Variants in SGCZ observed in about 807,000 individuals in gnomAD.
The protein encoded by SGCZ is zeta-sarcoglycan.
In SGCZ, 40 loss-of-function variants were observed where a neutral mutation model predicts 41.3. The ratio of observed to expected loss-of-function variants is 0.97; its 90% CI spans 0.75 to 1.26. The LOEUF (loss-of-function observed/expected upper bound fraction) is 1.26, where lower values mean the gene tolerates loss of function less well. SGCZ is among the 50% of genes most tolerant of loss of function. SGCZ has a pLI of 0.00. For synonymous variants in SGCZ, 206 were observed against 137.5 expected, an observed-to-expected ratio of 1.50 and a Z score of -3.49; for missense variants, 552 against 369.8, an observed-to-expected ratio of 1.49 and a Z score of -4.04.
At chr8:14,752,132 CA>C (rs56243371) in intron 1 of SGCZ, among the ~76,000 whole-genome samples, 1,228 of 117,738 alleles carry the variant, frequency 0.01, 6 homozygotes, top group South Asian at 0.016. Flanking sequence ...ACAAAAAAGC[CA>C]AAAAAAAAAA....
chr8:14,682,592 G>A (rs11988376), intron 1 of SGCZ, among the ~76,000 whole-genome samples: 51,894 of 151,684 alleles, frequency 0.34, 11,370 homozygotes, highest in African/African-American at 0.63. Flanking sequence ...CCACCACCAC[G>A]CCCGGCTAAT....
chr8:15,033,592 T>C (rs930498166), intron 1 of SGCZ, among the ~76,000 whole-genome samples: 1 of 152,074 alleles, frequency 6.6e-6, no homozygotes, highest in Non-Finnish European at 1.5e-5. Context: ...ACGAGTCCTA[T>C]GGACTCAAGC....
chr8:14,128,131 C>T (rs1436218863), intron 5 of SGCZ, among the ~76,000 whole-genome samples: 1 of 152,076 alleles, frequency 6.6e-6, no homozygotes, highest in East Asian at 1.9e-4. Context: ...TTATACACTG[C>T]TGGTGGGAGT....
At chr8:14,473,214 A>C (rs1189429595) in intron 2 of SGCZ, among the ~76,000 whole-genome samples, 4 of 152,168 alleles carry the variant, frequency 2.6e-5, no homozygotes, top group Non-Finnish European at 5.9e-5. Flanking sequence ...TACTCTCTTT[A>C]TGTATTAGAG....
chr8:15,202,417 T>G (rs1450756719), intron 1 of SGCZ, among the ~76,000 whole-genome samples: 1 of 152,186 alleles, frequency 6.6e-6, no homozygotes. Context: ...CCAAACATTG[T>G]GTCTTCTCAC....
In SGCZ at chr8:14,908,762, AAG is replaced by A. The variant is rs919031055; in HGVS notation, c.39+328821_39+328822del. On this transcript the variant is annotated intron_variant, in intron 1 of 7. Coordinates refer to ENST00000382080, the MANE Select transcript of SGCZ (RefSeq NM_139167.4). The stretch of plus-strand genomic sequence containing the variant: ...CCGTTGCAAAAAAAAAAAAAAAAAA[AAG>A]AGAGAGAGATTCAGAGAACCTAATT... Among the ~76,000 whole-genome samples the A allele has an allele frequency of 2.0e-5, 3 of 150,596 alleles. 1 individual carries two copies. The South Asian group carries it at 6.3e-4, about 31-fold the overall frequency.
chr8:15,021,015 T>C (rs1222453912), intron 1 of SGCZ, among the ~76,000 whole-genome samples: 1 of 152,238 alleles, frequency 6.6e-6, no homozygotes, highest in East Asian at 1.9e-4. Flanking sequence ...GACATTTATG[T>C]ACAGAAACTT....
At chr8:14,973,997 T>C (rs1801382920) in intron 1 of SGCZ, among the ~76,000 whole-genome samples, 1 of 152,134 alleles carries the variant, frequency 6.6e-6, no homozygotes, top group African/African-American at 2.4e-5. Flanking sequence ...TTTCTGAGGG[T>C]GAAAACAAGG....
chr8:14,524,710 C>T (rs1388529574), intron 2 of SGCZ, among the ~76,000 whole-genome samples: 1 of 152,088 alleles, frequency 6.6e-6, no homozygotes, highest in African/African-American at 2.4e-5. Context: ...AACAAACCTT[C>T]TCTGCACGGT....
At chr8:14,465,562 C>A (rs1444265977) in intron 2 of SGCZ, among the ~76,000 whole-genome samples, 1 of 151,458 alleles carries the variant, frequency 6.6e-6, no homozygotes, top group African/African-American at 2.4e-5. Context: ...TGCCTTGTAG[C>A]TTTTGGGTCT....
intron 2 of SGCZ, among the ~76,000 whole-genome samples, chr8:14,546,842 G>A (rs891303135): frequency 3.3e-5 from 5 of 152,016 alleles, no homozygotes; most frequent in South Asian, 2.1e-4. Context: ...AATGAAATGC[G>A]GTGGAATCTC....
chr8:14,266,544 G>T (rs541911547), intron 3 of SGCZ, among the ~76,000 whole-genome samples: 1 of 152,204 alleles, frequency 6.6e-6, no homozygotes, highest in Non-Finnish European at 1.5e-5. Context: ...AGATTAAATG[G>T]AGAGAGAAGG....
chr8:15,121,045 A>C (rs1021086627), intron 1 of SGCZ, among the ~76,000 whole-genome samples: 1 of 152,210 alleles, frequency 6.6e-6, no homozygotes, highest in African/African-American at 2.4e-5. Context: ...AATGCTTTGA[A>C]ATAACCACTT....
At chr8:14,663,360 G>T (rs1004710911) in intron 1 of SGCZ, among the ~76,000 whole-genome samples, 1 of 152,070 alleles carries the variant, frequency 6.6e-6, no homozygotes, top group Non-Finnish European at 1.5e-5. Flanking sequence ...TATGCCATCT[G>T]TAGGTGTTAT....
intron 1 of SGCZ, among the ~76,000 whole-genome samples, chr8:14,913,818 T>A (rs990188864): frequency 2.0e-5 from 3 of 152,076 alleles, no homozygotes; most frequent in South Asian, 4.1e-4. Flanking sequence ...AGCACATATT[T>A]CTTTAGTCAT....
chr8:14,356,161 A>G (rs866070849), intron 2 of SGCZ, among the ~76,000 whole-genome samples: 16 of 152,228 alleles, frequency 1.1e-4, no homozygotes, highest in African/African-American at 2.9e-4. Flanking sequence ...TAGGCTAAAC[A>G]TAAGTGTTCT....
At chr8:14,930,876 T>C (rs969299379) in intron 1 of SGCZ, among the ~76,000 whole-genome samples, 2 of 151,868 alleles carry the variant, frequency 1.3e-5, no homozygotes, top group African/African-American at 4.9e-5. Flanking sequence ...AAATACCTAA[T>C]GTAGGGGAGA....
intron 1 of SGCZ, among the ~76,000 whole-genome samples, chr8:14,771,676 A>G (rs556726598): frequency 5.5e-4 from 84 of 152,200 alleles, no homozygotes; most frequent in Non-Finnish European, 1.2e-3. Context: ...TTTGTTTGCA[A>G]TCAAATACAT....
At chr8:14,943,637 T>C (rs567904123) in intron 1 of SGCZ, among the ~76,000 whole-genome samples, 20 of 152,212 alleles carry the variant, frequency 1.3e-4, no homozygotes, top group African/African-American at 4.3e-4. Flanking sequence ...CTGTGTGTCA[T>C]GGGGGTTTGG....
Sources: allele counts gnomAD v4.1 joint callset (sites outside exome capture counted in the v4.1 genomes callset), GRCh38; gene constraint gnomAD v4.1.1; transcripts MANE v1.5; gene names NCBI Gene and HGNC (gene_info 2026-07-23, HGNC 2026-07-21).